PLPPR1: variants seen among roughly 807,000 people sequenced by gnomAD.
PLPPR1 encodes the protein phospholipid phosphatase related 1.
A neutral mutation model predicts 33.1 loss-of-function variants in PLPPR1; 10 were observed. That is an observed-to-expected ratio of 0.30 (90% confidence interval 0.19 to 0.51). PLPPR1 has a LOEUF of 0.51. Among genes scored for constraint, PLPPR1 ranks in the 20% least tolerant of loss-of-function variants. The probability of loss-of-function intolerance (pLI) is 0.97; values close to 1 mark genes in which losing one functional copy is unlikely to be tolerated. For missense variants in PLPPR1, 304 were observed against 408.1 expected, an observed-to-expected ratio of 0.74 and a Z score of 2.20; for synonymous variants, 151 against 151.0, an observed-to-expected ratio of 1.00 and a Z score of 0.00.
chr9:101,223,866 C>T (rs1357081669), intron 2 of PLPPR1, among the ~76,000 whole-genome samples: 3 of 152,084 alleles, frequency 2.0e-5, no homozygotes, highest in African/African-American at 4.8e-5. Context: ...ATATGAAGTA[C>T]ATATATACAT....
At chr9:101,178,654 A>G (rs887673766) in intron 1 of PLPPR1, among the ~76,000 whole-genome samples, 1 of 152,148 alleles carries the variant, frequency 6.6e-6, no homozygotes, top group Non-Finnish European at 1.5e-5. Flanking sequence ...AGCTAGAATG[A>G]TAGAATGGTG....
intron 1 of PLPPR1, among the ~76,000 whole-genome samples, chr9:101,142,559 G>A (rs565311548): frequency 4.6e-5 from 7 of 152,156 alleles, no homozygotes; most frequent in South Asian, 2.1e-4. Context: ...GATGCTCCCC[G>A]TATCTTCGCC....
At chr9:101,058,818 T>A (rs1409442596) in intron 1 of PLPPR1, among the ~76,000 whole-genome samples, 4 of 152,206 alleles carry the variant, frequency 2.6e-5, no homozygotes, top group African/African-American at 7.2e-5. Flanking sequence ...GCAAGTTATG[T>A]GCACTACTAT....
intron 1 of PLPPR1, among the ~76,000 whole-genome samples, chr9:101,159,743 T>C (rs1188968737): frequency 3.3e-5 from 5 of 152,166 alleles, no homozygotes; most frequent in African/African-American, 9.7e-5. Flanking sequence ...CTTCCACAAA[T>C]GAGCGCAAAG....
At chr9:101,109,919 C>T (rs4612402) in intron 1 of PLPPR1, among the ~76,000 whole-genome samples, 1 of 152,052 alleles carries the variant, frequency 6.6e-6, no homozygotes, top group Admixed American at 6.6e-5. Flanking sequence ...ATACAAATGG[C>T]CATTGTGTGG....
At chr9:101,200,126 C>T (rs543367300) in intron 2 of PLPPR1, among the ~76,000 whole-genome samples, 10 of 152,168 alleles carry the variant, frequency 6.6e-5, no homozygotes, top group South Asian at 2.1e-4. Flanking sequence ...CTATAATTGA[C>T]GGGGCATTGG....
intron 1 of PLPPR1, among the ~76,000 whole-genome samples, chr9:101,109,134 A>ATTTTTTTT (rs67666339): frequency 1.2e-3 from 117 of 99,466 alleles, no homozygotes; most frequent in Non-Finnish European, 1.5e-3. Context: ...AATTTTTTGT[A>ATTTTTTTT]TTTTTTTTTT....
At chr9:101,311,810 T>C (rs529926557) in intron 5 of PLPPR1, among the ~76,000 whole-genome samples, 159 of 152,324 alleles carry the variant, frequency 1.0e-3, no homozygotes, top group Non-Finnish European at 1.2e-3. Flanking sequence ...CAGCATATTA[T>C]TTTTTAGAAT....
At position 101,143,723 on chromosome 9, in the gene PLPPR1, C is replaced by T. The variant is rs148295695; in HGVS notation, c.-45-41727C>T. Among the ~76,000 whole-genome samples, 839 of 152,258 alleles carry T rather than the reference C, an allele frequency of 5.5e-3. 5 individuals are homozygous for T. The highest frequency in any genetic ancestry group is 0.019 in the African/African-American group (797 of 41,556). The stretch of plus-strand genomic sequence containing the variant: ...ATCAGAGAAATGCAAATCAAAACCA[C>T]AATGAGATACCATCTCACACCAGTT... On this transcript the variant is annotated intron_variant, in intron 1 of 7. Transcript: ENST00000374874.
intron 6 of PLPPR1, among the ~76,000 whole-genome samples, chr9:101,314,894 G>GA (rs1303874547): frequency 4.6e-5 from 7 of 152,220 alleles, no homozygotes; most frequent in Non-Finnish European, 5.9e-5. Flanking sequence ...GAAGTTGCAG[G>GA]AAAAGCAGTG....
chr9:101,069,421 A>G (rs1295837081), intron 1 of PLPPR1, among the ~76,000 whole-genome samples: 1 of 152,116 alleles, frequency 6.6e-6, no homozygotes, highest in East Asian at 1.9e-4. Flanking sequence ...CTGTGTCTAC[A>G]ATGGTAACGT....
At chr9:101,271,711 C>T (rs1828105496) in intron 3 of PLPPR1, among the ~76,000 whole-genome samples, 1 of 152,096 alleles carries the variant, frequency 6.6e-6, no homozygotes, top group Non-Finnish European at 1.5e-5. Context: ...AGAATTGGGT[C>T]CTGGTTTCTT....
intron 2 of PLPPR1, among the ~76,000 whole-genome samples, chr9:101,253,527 TGA>T (rs1424180386): frequency 2.0e-5 from 3 of 151,926 alleles, no homozygotes; most frequent in Non-Finnish European, 4.4e-5. Context: ...GTTGACTGAG[TGA>T]GACTTTGTCT....
chr9:101,185,081 A>T (rs2303980), intron 1 of PLPPR1: 111,001 of 155,076 alleles, frequency 0.72, 40,423 homozygotes, highest in Non-Finnish European at 0.78. Flanking sequence ...AGTAAGAGAG[A>T]TCCATGCAGG....
At chr9:101,241,204 G>C (rs1020682853) in intron 2 of PLPPR1, among the ~76,000 whole-genome samples, 1 of 152,028 alleles carries the variant, frequency 6.6e-6, no homozygotes, top group Non-Finnish European at 1.5e-5. Flanking sequence ...AGCAGTACTG[G>C]GCAAGTGGAG....
chr9:101,318,679 T>G (rs1218157191), intron 7 of PLPPR1, among the ~76,000 whole-genome samples: 2 of 151,802 alleles, frequency 1.3e-5, no homozygotes, highest in Non-Finnish European at 2.9e-5. Flanking sequence ...GAGGCTGAGG[T>G]GGGAGGAGTG....
chr9:101,194,957 C>T (rs551803694), intron 2 of PLPPR1, among the ~76,000 whole-genome samples: 5 of 152,192 alleles, frequency 3.3e-5, no homozygotes, highest in East Asian at 1.9e-4. Flanking sequence ...AATTAGTATG[C>T]GATAGTTTTG....
At chr9:101,303,122 G>T (rs904956291) in intron 4 of PLPPR1, among the ~76,000 whole-genome samples, 3 of 151,608 alleles carry the variant, frequency 2.0e-5, no homozygotes, top group South Asian at 2.1e-4. Flanking sequence ...GAGTAGCTGG[G>T]ATTACAGGCA....
chr9:101,170,250 C>T (rs1034270660), intron 1 of PLPPR1, among the ~76,000 whole-genome samples: 2 of 152,124 alleles, frequency 1.3e-5, no homozygotes, highest in African/African-American at 4.8e-5. Context: ...AATCTGTTCT[C>T]ACACTGCTAA....
Sources: allele counts gnomAD v4.1 joint callset (sites outside exome capture counted in the v4.1 genomes callset), GRCh38; gene constraint gnomAD v4.1.1; transcripts MANE v1.5; gene names NCBI Gene and HGNC (gene_info 2026-07-23, HGNC 2026-07-21).